The following INTS12 variants were observed in gnomAD, a reference collection of about 807,000 sequenced individuals.
INTS12 encodes the protein integrator complex subunit 12.
A neutral mutation model predicts 41.6 loss-of-function variants in INTS12; 13 were observed. The observed-to-expected ratio is 0.31, with a 90% CI of 0.20 to 0.50. INTS12 has a LOEUF of 0.50. INTS12 is among the 20% of genes least tolerant of loss of function. The pLI is 0.98. For synonymous variants in INTS12, 199 were observed against 191.4 expected, an observed-to-expected ratio of 1.04 and a Z score of -0.33; for missense variants, 432 against 541.6, an observed-to-expected ratio of 0.80 and a Z score of 2.01.
chr4:105,696,131 G>A (rs1020469016), intron 3 of INTS12, among the ~76,000 whole-genome samples: 2 of 152,100 alleles, frequency 1.3e-5, no homozygotes, highest in Non-Finnish European at 2.9e-5. Flanking sequence ...GATTAAAGAC[G>A]TGTACCACCA....
At chr4:105,703,006 TG>T in intron 2 of INTS12, 1 of 984,444 alleles carries the variant, frequency 1.0e-6, no homozygotes, top group Non-Finnish European at 1.2e-6. Flanking sequence ...GTCAGCAACT[TG>T]GTGTAACTGT....
At chr4:105,693,274 G>T (rs748384283) in intron 5 of INTS12, 25 bp downstream of exon 5, 4 of 1,546,230 alleles carry the variant, frequency 2.6e-6, no homozygotes, top group Non-Finnish European at 2.6e-6. Flanking sequence ...AGTAACAAAA[G>T]AATCTGTGGC....
rs772541193 is a variant in INTS12, at chr4:105,682,979, A to G, written c.1143T>C (p.Asn381=). ...TGLSRSVSCD[N]VSKVGLPSPS... The stretch of plus-strand genomic sequence containing the variant: ...GACTAGGAAGACCTACTTTGCTGAC[A>G]TTGTCACAACTAACTGAGCGACTAA... Residue 381 remains asparagine (N), a synonymous_variant, in exon 8 of 8, where the codon AAT becomes AAC. Transcript: ENST00000340139. 7 of 1,614,012 alleles carry G rather than the reference A, an allele frequency of 4.3e-6. No homozygotes were observed. In the South Asian group the frequency reaches 4.4e-5, roughly 10 times the overall value.
At chr4:105,705,144 G>A (rs1301406050) in intron 1 of INTS12, among the ~76,000 whole-genome samples, 1 of 152,178 alleles carries the variant, frequency 6.6e-6, no homozygotes, top group Non-Finnish European at 1.5e-5. Flanking sequence ...AGCTTCATTT[G>A]TATTTACAGC....
At chr4:105,693,692 G>A (rs577864448) in intron 4 of INTS12, among the ~76,000 whole-genome samples, 5 of 152,260 alleles carry the variant, frequency 3.3e-5, no homozygotes, top group African/African-American at 1.2e-4. Context: ...CAGCAAGATA[G>A]AAATAAATAA....
chr4:105,702,202 C>A (rs943615112), intron 2 of INTS12, among the ~76,000 whole-genome samples: 4 of 127,238 alleles, frequency 3.1e-5, no homozygotes, highest in Non-Finnish European at 4.6e-5. Flanking sequence ...GTGGCATGAT[C>A]TCGGCTCATG....
intron 4 of INTS12, 135 bp from the exon 5 acceptor site, chr4:105,693,621 A>C: frequency 1.6e-6 from 1 of 608,910 alleles, no homozygotes; most frequent in South Asian, 2.5e-5. Context: ...TTAGGGACAG[A>C]TGTGCACATT....
At chr4:105,699,060 G>T (rs1731969275) in intron 3 of INTS12, among the ~76,000 whole-genome samples, 1 of 152,110 alleles carries the variant, frequency 6.6e-6, no homozygotes, top group African/African-American at 2.4e-5. Context: ...TCATTTACTG[G>T]ATCTCCTTCA....
chr4:105,692,159 T>A (rs374976724), intron 5 of INTS12, 24 bp from the exon 6 acceptor site: 2 of 1,598,558 alleles, frequency 1.3e-6, no homozygotes, highest in African/African-American at 2.7e-5. Flanking sequence ...CCATTAAACA[T>A]TACACTACTT....
At chr4:105,685,435 C>A (rs893376420) in intron 7 of INTS12, among the ~76,000 whole-genome samples, 10 of 152,052 alleles carry the variant, frequency 6.6e-5, no homozygotes, top group African/African-American at 1.9e-4. Flanking sequence ...TCACCAAGTT[C>A]CTATATGACA....
chr4:105,694,268 C>T (rs539026233), intron 4 of INTS12, among the ~76,000 whole-genome samples: 4 of 152,084 alleles, frequency 2.6e-5, no homozygotes, highest in Non-Finnish European at 5.9e-5. Context: ...TTCAAAAGCA[C>T]ATAGTTGAGT....
chr4:105,697,160 T>A (rs996181636), intron 3 of INTS12, among the ~76,000 whole-genome samples: 8 of 152,252 alleles, frequency 5.3e-5, no homozygotes, highest in African/African-American at 1.9e-4. Flanking sequence ...CTTTTCATTC[T>A]GTTTAAATTC....
In INTS12 at chr4:105,693,620, G is replaced by A. The variant is rs113398996; in HGVS notation, c.310-134C>T. 3.2e-3 allele frequency: 1,949 copies of A among 610,658 alleles called. 10 individuals carry two copies. The highest frequency in any genetic ancestry group is 0.015 in the Middle Eastern group (33 of 2,200). The allele number at this position is 610,658 out of a possible 1,614,324, so 37.8% of individuals were successfully genotyped here. A position where few individuals can be genotyped will look rare whatever the true frequency, so the allele number is the denominator to read the frequency against. On this transcript the variant is annotated intron_variant, in intron 4 of 7. Coordinates refer to ENST00000340139, the MANE Select transcript of INTS12 (RefSeq NM_020395.4). ...AGATATATTCACATAGTTAGGGACAGATGTGCACATTAAAGATCTGTAGAA... is the reference window on the plus strand; with the variant it reads ...AGATATATTCACATAGTTAGGGACAAATGTGCACATTAAAGATCTGTAGAA...
intron 6 of INTS12, among the ~76,000 whole-genome samples, chr4:105,691,429 C>T (rs1301751523): frequency 2.0e-5 from 3 of 151,932 alleles, no homozygotes; most frequent in Non-Finnish European, 2.9e-5. Flanking sequence ...GTATGTTAGT[C>T]AACAGTAAAA....
intron 1 of INTS12, among the ~76,000 whole-genome samples, chr4:105,704,665 C>T (rs868608673): frequency 6.6e-6 from 1 of 152,326 alleles, no homozygotes; most frequent in African/African-American, 2.4e-5. Flanking sequence ...GCCTCCTATG[C>T]AACGTGTCTC....
At position 105,686,770 on chromosome 4, in the gene INTS12, T is replaced by G. The variant is rs767725260; in HGVS notation, c.726A>C (p.Lys242Asn). Residue 242 changes from lysine (K) to asparagine (N), a missense_variant, in exon 7 of 8, where the codon AAA becomes AAC. By Grantham distance (94) the Lys-to-Asn change is moderately conservative. This residue lies in a region of INTS12 where 258 missense variants were observed against 309.9 expected (regional missense o/e 0.83). Transcript: ENST00000340139. ...PAVVSVTPAV[K>N]DPLVKKPETK... is the part of the protein sequence containing the mutation. ...TTTCTGGTTTCTTAACCAATGGATC[T>G]TTGACAGCTGGAGTTACAGAAACAA... 4.3e-6 allele frequency: 7 copies of G among 1,613,760 alleles called. No individual in the cohort carries two copies. In the African/African-American group the frequency reaches 9.3e-5, roughly 22 times the overall value.
Position 105,695,686 on chromosome 4 carries a change from G to C in INTS12, c.157-18C>G. 6.3e-7 allele frequency: 1 copy of C among 1,594,314 alleles called. No homozygotes were observed. The highest frequency in any genetic ancestry group is 1.1e-5 in the South Asian group (1 of 88,450). ...TCCACATCCTAAAAGATGAAAAAAGGTACCAGTAATTAAATATTTAGACTG... is the reference window on the plus strand; with the variant it reads ...TCCACATCCTAAAAGATGAAAAAAGCTACCAGTAATTAAATATTTAGACTG... On this transcript the variant is annotated intron_variant, in intron 3 of 7. Coordinates refer to ENST00000340139, the MANE Select transcript of INTS12 (RefSeq NM_020395.4).
intron 1 of INTS12, among the ~76,000 whole-genome samples, chr4:105,706,973 T>G (rs1282384771): frequency 6.6e-6 from 1 of 152,124 alleles, no homozygotes; most frequent in Non-Finnish European, 1.5e-5. Context: ...AAAAAAAAAT[T>G]CTTGCTGAGA....
intron 6 of INTS12, among the ~76,000 whole-genome samples, chr4:105,687,759 C>T (rs558550110): frequency 2.0e-5 from 3 of 152,246 alleles, no homozygotes; most frequent in African/African-American, 7.2e-5. Context: ...GCCAGAACAG[C>T]CTGGCCCACA....
Sources: gnomAD v4.1 joint callset for allele counts (sites outside exome capture counted in the v4.1 genomes callset) on GRCh38, gnomAD v4.1.1 for gene constraint, gnomAD v4.1.1 regional missense constraint, MANE v1.5 for transcripts, NCBI Gene and HGNC (gene_info 2026-07-23, HGNC 2026-07-21) for gene names.